ACE: variants seen among roughly 807,000 people sequenced by gnomAD.
The protein encoded by ACE is angiotensin-converting enzyme.
Under a neutral mutation model 162.3 loss-of-function variants are expected in ACE, and 122 were observed. That is an observed-to-expected ratio of 0.75 (90% CI 0.65 to 0.87). The LOEUF is 0.87. Ranked by LOEUF, ACE falls within the 40% of genes least tolerant of loss-of-function variation. ACE has a pLI of 0.00. For synonymous variants in ACE, 796 were observed against 720.6 expected (o/e 1.10, Z -1.68); for missense variants, 1,799 against 1,735.1 (o/e 1.04, Z -0.65).
In ACE at chr17:63,483,936, C is replaced by T. The variant is rs1322341940; in HGVS notation, c.1674C>T (p.Asp558=). The T allele has an allele frequency of 1.2e-6, 2 of 1,614,120 alleles. No homozygotes were observed. Among genetic ancestry groups the T allele is most frequent in the South Asian group, 1.1e-5 (1 of 91,082 alleles). Residue 558 remains aspartate (D), a synonymous_variant, in exon 11 of 25, where the codon GAC becomes GAT. Coordinates refer to ENST00000290866, the MANE Select transcript of ACE (RefSeq NM_000789.4). ...AGYEGPLHQC[D]IYRSTKAGAK... ...ATGAGGGCCCACTGCACCAGTGTGA[C>T]ATCTACCGGTCCACCAAGGCAGGGG...
Position 63,477,230 on chromosome 17 carries a change from G to T in ACE, c.136G>T (p.Ala46Ser). 6.7e-7 allele frequency: 1 copy of T among 1,503,268 alleles called. No homozygotes were observed. The highest frequency in any genetic ancestry group is 2.0e-4 in the Middle Eastern group (1 of 5,102). 93.1% of individuals were successfully genotyped at this position (1,503,268 alleles called of 1,614,324 possible). ...CAACTTTTCTGCTGACGAGGCCGGG[G>T]CGCAGCTCTTCGCGCAGAGCTACAA... ...PGNFSADEAGAQLFAQSYNSS... is the reference protein window; with the variant it reads ...PGNFSADEAGSQLFAQSYNSS... Residue 46 changes from alanine to serine, a missense_variant, in exon 1 of 25, where the codon GCG (alanine) becomes TCG (serine). By Grantham distance (99) the Ala-to-Ser change is moderately conservative. Coordinates refer to ENST00000290866, the MANE Select transcript of ACE (RefSeq NM_000789.4).
chr17:63,496,138 C>G, intron 22 of ACE: 1 of 529,072 alleles, frequency 1.9e-6, no homozygotes. Flanking sequence ...ATGGAGCAGG[C>G]CCTCCTGAGT....
At chr17:63,492,047 C>T (rs1379695914) in intron 19 of ACE, among the ~76,000 whole-genome samples, 1 of 152,192 alleles carries the variant, frequency 6.6e-6, no homozygotes, top group Non-Finnish European at 1.5e-5. Flanking sequence ...CGGTTTTTCC[C>T]ATGTGGCAGA....
At position 63,481,693 on chromosome 17, in the gene ACE, TG is replaced by T. The variant is rs774181017; in HGVS notation, c.1074del (p.Cys359AlafsTer97). ...LEKPADGREV[V>X]CHASAWDFYN... is the part of the protein sequence containing the mutation. ...AAGCCGGCCGACGGGCGGGAAGTGG[TG>T]TGCCACGCCTCGGCTTGGGACTTCT... On this transcript the variant is annotated frameshift_variant, in exon 7 of 25. Transcript: ENST00000290866. LOFTEE classifies it high-confidence loss of function. 1 of 1,614,158 alleles carries T rather than the reference TG, an allele frequency of 6.2e-7. No individual in the cohort carries two copies. The highest frequency in any genetic ancestry group is 1.1e-5 in the South Asian group (1 of 91,084).
chr17:63,497,322 C>T lies in ACE; in HGVS notation c.3877C>T (p.His1293Tyr), dbSNP rs765069550. 146 of 1,549,082 alleles carry T rather than the reference C, an allele frequency of 9.4e-5. No individual in the cohort carries two copies. The highest frequency in any genetic ancestry group is 1.2e-4 in the Non-Finnish European group (141 of 1,147,356). Residue 1293 changes from histidine to tyrosine, a missense_variant, in exon 25 of 25, where the codon CAC (histidine) becomes TAC (tyrosine). By Grantham distance (83) the His-to-Tyr change is moderately conservative (BLOSUM62 2). Coordinates refer to ENST00000290866, the MANE Select transcript of ACE (RefSeq NM_000789.4). Reference protein sequence around the residue: ...IRHRSLHRHSHGPQFGSEVEL... With the variant: ...IRHRSLHRHSYGPQFGSEVEL... Reference sequence around the variant, plus strand: ...CCACCGCAGCCTCCACCGGCACTCCCACGGGCCCCAGTTCGGCTCCGAGGT... The same window carrying T: ...CCACCGCAGCCTCCACCGGCACTCCTACGGGCCCCAGTTCGGCTCCGAGGT...
chr17:63,480,631 C>G, intron 5 of ACE, 103 bp downstream of exon 5: 1 of 1,248,324 alleles, frequency 8.0e-7, no homozygotes, highest in South Asian at 1.2e-5. Context: ...GTGACCCTCA[C>G]ATCTCACATG....
chr17:63,484,535 G>A lies in ACE; in HGVS notation c.1915G>A (p.Gly639Ser), dbSNP rs72845024. Residue 639 changes from glycine (G) to serine (S), a missense_variant, in exon 12 of 25, where the codon GGC (glycine) becomes AGC (serine). Gly to Ser is a moderately conservative substitution (Grantham distance 56). Coordinates refer to ENST00000290866, the MANE Select transcript of ACE (RefSeq NM_000789.4). This position sits in a 1 kb window ranked among gnomAD's most constrained non-coding sequence, Gnocchi z 4.0. ...GCCGTTGCCTGACAACTACCCGGAGGGCATAGGTAAAGCCCTGAGTGAGGA... is the reference window on the plus strand; with the variant it reads ...GCCGTTGCCTGACAACTACCCGGAGAGCATAGGTAAAGCCCTGAGTGAGGA... ...HPPLPDNYPEGIDLVTDEAEA... is the reference protein window; with the variant it reads ...HPPLPDNYPESIDLVTDEAEA... 1.3e-4 allele frequency: 205 copies of A among 1,611,150 alleles called. No homozygotes were observed. The highest frequency in any genetic ancestry group is 3.8e-4 in the Middle Eastern group (2 of 5,324).
chr17:63,490,072 GTCTC>G (rs952021243), intron 17 of ACE: 3 of 152,546 alleles, frequency 2.0e-5, no homozygotes, highest in African/African-American at 7.2e-5. Flanking sequence ...TGCGCTCTCT[GTCTC>G]TCTCTCTGGC....
chr17:63,486,999 T>A lies in ACE; in HGVS notation c.2231T>A (p.Leu744Gln). ...AQELEEYNKI[L>Q]LDMETTYSVA... ...TTCCTCCTGCAGTACAACAAGATCCTGTTGGATATGGAAACCACCTACAGC... is the reference window on the plus strand; with the variant it reads ...TTCCTCCTGCAGTACAACAAGATCCAGTTGGATATGGAAACCACCTACAGC... Residue 744 changes from leucine (L) to glutamine (Q), a missense_variant, in exon 15 of 25, where the codon CTG becomes CAG. Coordinates refer to ENST00000290866, the MANE Select transcript of ACE (RefSeq NM_000789.4). 1 of 1,613,816 alleles carries A rather than the reference T, an allele frequency of 6.2e-7. No homozygotes were observed. The highest frequency in any genetic ancestry group is 8.5e-7 in the Non-Finnish European group (1 of 1,179,896).
At position 63,496,461 on chromosome 17, in the gene ACE, G is replaced by T; in HGVS notation, c.3448G>T (p.Gly1150Cys). ...EALCQAAGHT[G>C]PLHKCDIYQS... ...ACTGTGCCAGGCAGCTGGCCACACG[G>T]GCCCCCTGCACAAGTGTGACATCTA... Residue 1150 changes from glycine (G) to cysteine (C), a missense_variant, in exon 23 of 25, where the codon GGC (glycine) becomes TGC (cysteine). Coordinates refer to ENST00000290866, the MANE Select transcript of ACE (RefSeq NM_000789.4). 1 of 1,614,196 alleles carries T rather than the reference G, an allele frequency of 6.2e-7. No individual in the cohort carries two copies. The highest frequency in any genetic ancestry group is 1.1e-5 in the South Asian group (1 of 91,090).
At position 63,495,877 on chromosome 17, in the gene ACE, A is replaced by C. The variant is rs909836099; in HGVS notation, c.3381-517A>C. Among the ~76,000 whole-genome samples, 6 of 152,372 alleles carry C rather than the reference A, an allele frequency of 3.9e-5. No homozygotes were observed. The East Asian group carries it at 9.6e-4, about 24-fold the overall frequency. On this transcript the variant is annotated intron_variant, in intron 22 of 24. Transcript: ENST00000290866. ...AGTGAGAGGCCTGTGCCACTGGCTCAGGACATTTAAAACCTCTTCAGACTT... is the reference window on the plus strand; with the variant it reads ...AGTGAGAGGCCTGTGCCACTGGCTCCGGACATTTAAAACCTCTTCAGACTT...
chr17:63,494,555 G>A (rs1474359994), intron 22 of ACE, 85 bp downstream of exon 22: 4 of 1,275,908 alleles, frequency 3.1e-6, no homozygotes, highest in African/African-American at 1.5e-5. Context: ...CGGTCCACAA[G>A]CTCTGTCAGT....
chr17:63,480,636 C>G, intron 5 of ACE, 108 bp downstream of exon 5: 12 of 1,183,620 alleles, frequency 1.0e-5, no homozygotes, highest in Non-Finnish European at 1.5e-5. Flanking sequence ...CCTCACATCT[C>G]ACATGTGTGG....
chr17:63,490,560 G>A (rs1373249333), intron 17 of ACE: 6 of 299,700 alleles, frequency 2.0e-5, no homozygotes, highest in African/African-American at 4.3e-5. Context: ...GTACCTGGGT[G>A]CAGACAGGAT....
At chr17:63,480,274 C>G in intron 4 of ACE, 63 bp from the exon 5 acceptor site, 4 of 1,576,094 alleles carry the variant, frequency 2.5e-6, no homozygotes, top group Non-Finnish European at 2.6e-6. Context: ...AGCCGACTTA[C>G]AGCTGAGAGG....
Position 63,488,701 on chromosome 17 carries a change from T to C in ACE, c.2359T>C (p.Trp787Arg). The change falls in exon 16 of 25, where the codon TGG (tryptophan) becomes CGG (arginine). Residue 787 changes from tryptophan (W) to arginine (R), a missense_variant. Trp to Arg is a moderately radical substitution (Grantham distance 101, BLOSUM62 -3). Coordinates refer to ENST00000290866, the MANE Select transcript of ACE (RefSeq NM_000789.4). Reference protein sequence around the residue: ...SRKYEDLLWAWEGWRDKAGRA... With the variant: ...SRKYEDLLWAREGWRDKAGRA... ...GAAATATGAAGACCTGTTATGGGCA[T>C]GGGAGGGCTGGCGAGACAAGGCGGG... is the stretch of plus-strand genomic sequence containing the variant. 1 of 1,613,560 alleles carries C rather than the reference T, an allele frequency of 6.2e-7. No individual in the cohort carries two copies. The highest frequency in any genetic ancestry group is 1.1e-5 in the South Asian group (1 of 91,026).
In ACE at chr17:63,485,319, G is replaced by A. The variant is rs769228405; in HGVS notation, c.2005G>A (p.Glu669Lys). ...CCAGGTGGTGTGGAACGAGTATGCC[G>A]AGGCCAACTGGAACTACAACACCAA... is the stretch of plus-strand genomic sequence containing the variant. ...TSQVVWNEYA[E>K]ANWNYNTNIT... The change falls in exon 13 of 25, where the codon GAG becomes AAG. Residue 669 changes from glutamate to lysine, a missense_variant. Transcript: ENST00000290866. The A allele has an allele frequency of 4.6e-5, 75 of 1,613,842 alleles. No homozygotes were observed. The East Asian group carries it at 1.3e-3, about 27-fold the overall frequency.
Position 63,496,828 on chromosome 17 carries a change from G to A in ACE, c.3534G>A (p.Pro1178=), listed in dbSNP as rs759423545. The change falls in exon 24 of 25, where the codon CCG becomes CCA. Residue 1178 remains proline (P), a synonymous_variant. Transcript: ENST00000290866. ...CCATGAAGCTGGGCTTCAGTAGGCC[G>A]TGGCCGGAAGCCATGCAGCTGATCA... ...ATAMKLGFSR[P]WPEAMQLITG... 4.8e-5 allele frequency: 77 copies of A among 1,612,892 alleles called. No homozygotes were observed. Among genetic ancestry groups the A allele is most frequent in the East Asian group, 1.1e-4 (5 of 44,890 alleles).
In ACE at chr17:63,479,821, C is replaced by G; in HGVS notation, c.564C>G (p.Ala188=). The G allele has an allele frequency of 6.2e-7, 1 of 1,613,416 alleles. No individual in the cohort carries two copies. Among genetic ancestry groups the G allele is most frequent in the Non-Finnish European group, 8.5e-7 (1 of 1,180,036 alleles). Residue 188 remains alanine, a synonymous_variant, in exon 4 of 25, where the codon GCC becomes GCG. Coordinates refer to ENST00000290866, the MANE Select transcript of ACE (RefSeq NM_000789.4). ...SSRSYAMLLF[A]WEGWHNAAGI... ...GAAGCTACGCCATGCTCCTGTTTGC[C>G]TGGGAGGGCTGGCACAACGCTGCGG...
Sources: allele counts gnomAD v4.1 joint callset (sites outside exome capture counted in the v4.1 genomes callset), GRCh38; gene constraint gnomAD v4.1.1; non-coding constraint Gnocchi (gnomAD v3.1); transcripts MANE v1.5; gene names NCBI Gene and HGNC (gene_info 2026-07-23, HGNC 2026-07-21).